The following NELL1 variants were observed in gnomAD, a reference collection of about 807,000 sequenced individuals.
NELL1 encodes protein kinase C-binding protein NELL1.
A neutral mutation model predicts 107.4 loss-of-function variants in NELL1; 76 were observed. That is an observed-to-expected ratio of 0.71 (90% CI 0.59 to 0.86). The LOEUF (loss-of-function observed/expected upper bound fraction) is 0.86. Among genes scored for constraint, NELL1 ranks in the 40% least tolerant of loss-of-function variants. The probability of loss-of-function intolerance (pLI) is 0.00; values close to 1 mark genes in which losing one functional copy is unlikely to be tolerated. For synonymous variants in NELL1, 353 were observed against 341.2 expected (o/e 1.03, Z -0.38); for missense variants, 1,024 against 1,005.5 (o/e 1.02, Z -0.25).
chr11:21,173,233 G>A (rs768567870), intron 13 of NELL1, among the ~76,000 whole-genome samples: 15 of 151,720 alleles, frequency 9.9e-5, no homozygotes, highest in Non-Finnish European at 1.8e-4. Flanking sequence ...TTACGTGACG[G>A]TAGGAGGCAA....
At chr11:21,420,351 A>T (rs534279266) in intron 15 of NELL1, among the ~76,000 whole-genome samples, 1 of 151,886 alleles carries the variant, frequency 6.6e-6, no homozygotes, top group Admixed American at 6.6e-5. Flanking sequence ...AAAAGGAACA[A>T]AAATGATATA....
chr11:20,977,022 T>A (rs3133245), intron 12 of NELL1, among the ~76,000 whole-genome samples: 4 of 152,064 alleles, frequency 2.6e-5, no homozygotes, highest in Non-Finnish European at 5.9e-5. Context: ...GGGTAAAGTT[T>A]GGGTATGATG....
chr11:20,873,998 C>T (rs1470301998), intron 4 of NELL1, among the ~76,000 whole-genome samples: 8 of 152,242 alleles, frequency 5.3e-5, no homozygotes, highest in Admixed American at 1.3e-4. Flanking sequence ...CTCCTGGGTT[C>T]GAGCAATCCT....
chr11:21,089,941 T>C (rs1340528625), intron 12 of NELL1, among the ~76,000 whole-genome samples: 2 of 152,176 alleles, frequency 1.3e-5, no homozygotes, highest in Admixed American at 6.5e-5. Context: ...TAGGCTTTCG[T>C]ATGGTGCTTA....
At chr11:21,232,917 G>T (rs772268640) in intron 14 of NELL1, among the ~76,000 whole-genome samples, 1 of 152,096 alleles carries the variant, frequency 6.6e-6, no homozygotes, top group African/African-American at 2.4e-5. Flanking sequence ...CCTCCCAAAC[G>T]GCTGGGATTC....
At chr11:20,842,124 C>A (rs886686273) in intron 3 of NELL1, among the ~76,000 whole-genome samples, 1 of 152,114 alleles carries the variant, frequency 6.6e-6, no homozygotes, top group Non-Finnish European at 1.5e-5. Context: ...TGCCTCTAAT[C>A]CCAGCAGTTT....
intron 10 of NELL1, among the ~76,000 whole-genome samples, chr11:20,943,769 T>C (rs574929990): frequency 2.0e-5 from 3 of 152,310 alleles, no homozygotes; most frequent in African/African-American, 7.2e-5. Context: ...TCTTAGCCTG[T>C]CTACTGCCAC....
At chr11:21,547,655 C>T (rs530600615) in intron 16 of NELL1, among the ~76,000 whole-genome samples, 4 of 151,886 alleles carry the variant, frequency 2.6e-5, no homozygotes, top group African/African-American at 9.7e-5. Context: ...ATTTTCTGCA[C>T]CTGTTTCTGC....
chr11:21,412,903 C>T (rs1852414305), intron 15 of NELL1, among the ~76,000 whole-genome samples: 2 of 152,036 alleles, frequency 1.3e-5, no homozygotes, highest in Non-Finnish European at 2.9e-5. Context: ...CCTTAGCCAA[C>T]CAGAGGTATC....
intron 15 of NELL1, among the ~76,000 whole-genome samples, chr11:21,439,579 T>C (rs2133843889): frequency 6.6e-6 from 1 of 152,222 alleles, no homozygotes; most frequent in East Asian, 1.9e-4. Context: ...GATTAAAGCA[T>C]ACAAAATTAA....
chr11:21,170,687 G>T (rs76485191), intron 13 of NELL1, among the ~76,000 whole-genome samples: 8 of 58,248 alleles, frequency 1.4e-4, no homozygotes, highest in African/African-American at 2.0e-4. Flanking sequence ...ATATACTGTA[G>T]TTTATATATA....
Position 21,570,851 on chromosome 11 carries a change from G to A in NELL1, c.2068G>A (p.Val690Ile), listed in dbSNP as rs1374047333. ...CTGTTGCCCAGAATGTGACACCAGA[G>A]TCACAAGTCAATGTTTAGACCAAAA... ...LFCCPECDTR[V>I]TSQCLDQNGH... Residue 690 changes from valine to isoleucine, a missense_variant, in exon 18 of 20, where the codon GTC (valine) becomes ATC (isoleucine). Coordinates refer to ENST00000357134, the MANE Select transcript of NELL1 (RefSeq NM_006157.5). 6.2e-7 allele frequency: 1 copy of A among 1,612,044 alleles called. No homozygotes were observed. Among genetic ancestry groups the A allele is most frequent in the Admixed American group, 1.7e-5 (1 of 59,842 alleles).
At chr11:21,559,967 A>T (rs1856809958) in intron 16 of NELL1, among the ~76,000 whole-genome samples, 1 of 152,112 alleles carries the variant, frequency 6.6e-6, no homozygotes, top group South Asian at 2.1e-4. Flanking sequence ...TTAAGTTATG[A>T]ACCTCAGCTT....
At chr11:21,143,737 T>A (rs988758339) in intron 13 of NELL1, among the ~76,000 whole-genome samples, 1 of 152,156 alleles carries the variant, frequency 6.6e-6, no homozygotes, top group Admixed American at 6.5e-5. Flanking sequence ...AGTCAGGAAA[T>A]CTCATGGTGA....
At chr11:21,512,386 A>C (rs1322122223) in intron 15 of NELL1, among the ~76,000 whole-genome samples, 1 of 152,212 alleles carries the variant, frequency 6.6e-6, no homozygotes, top group Non-Finnish European at 1.5e-5. Context: ...GTTATCAGGG[A>C]GTATGTCATC....
intron 16 of NELL1, among the ~76,000 whole-genome samples, chr11:21,548,386 C>T (rs1856494110): frequency 1.3e-5 from 2 of 151,782 alleles, no homozygotes; most frequent in African/African-American, 4.8e-5. Context: ...GGGGCAATTC[C>T]AAAAGACAGA....
chr11:20,728,316 T>G (rs1855554688), intron 2 of NELL1, among the ~76,000 whole-genome samples: 1 of 152,178 alleles, frequency 6.6e-6, no homozygotes, highest in Non-Finnish European at 1.5e-5. Flanking sequence ...TTTAATTAGC[T>G]TCTACTTGTC....
intron 16 of NELL1, among the ~76,000 whole-genome samples, chr11:21,545,937 A>G (rs1343758031): frequency 6.6e-6 from 1 of 151,958 alleles, no homozygotes; most frequent in Non-Finnish European, 1.5e-5. Context: ...TCTGTGTTTT[A>G]ATGAGAGCTC....
At chr11:20,988,926 T>C (rs947881839) in intron 12 of NELL1, among the ~76,000 whole-genome samples, 1 of 151,988 alleles carries the variant, frequency 6.6e-6, no homozygotes, top group Non-Finnish European at 1.5e-5. Context: ...CAAAGACAGC[T>C]TTAGAGTTGG....
Sources: allele counts gnomAD v4.1 joint callset (sites outside exome capture counted in the v4.1 genomes callset), GRCh38; gene constraint gnomAD v4.1.1; transcripts MANE v1.5; gene names NCBI Gene and HGNC (gene_info 2026-07-23, HGNC 2026-07-21).